PSMC4: variants seen among roughly 807,000 people sequenced by gnomAD.
PSMC4 encodes 26S proteasome regulatory subunit 6B.
Under a neutral mutation model 48.4 loss-of-function variants are expected in PSMC4, and 13 were observed. The ratio of observed to expected loss-of-function variants is 0.27; its 90% CI spans 0.18 to 0.43. The LOEUF (loss-of-function observed/expected upper bound fraction) is 0.43, where lower values mean the gene tolerates loss of function less well. Among genes scored for constraint, PSMC4 ranks in the 20% least tolerant of loss-of-function variants. The pLI, the probability that PSMC4 is intolerant of heterozygous loss-of-function variation, is 1.00. For synonymous variants in PSMC4, 202 were observed against 212.3 expected (o/e 0.95, Z 0.42); for missense variants, 262 against 555.9 (o/e 0.47, Z 5.32).
intron 6 of PSMC4, among the ~76,000 whole-genome samples, chr19:39,976,650 A>C (rs1249521921): frequency 6.7e-6 from 1 of 150,066 alleles, no homozygotes; most frequent in Non-Finnish European, 1.5e-5. Flanking sequence ...CTGAGACTAC[A>C]GGCACCCGCC....
In PSMC4 at chr19:39,972,357, C is replaced by T. The variant is rs1323608818; in HGVS notation, c.136-12C>T. On this transcript the variant is annotated splice_polypyrimidine_tract_variant and intron_variant, in intron 2 of 10. Coordinates refer to ENST00000157812, the MANE Select transcript of PSMC4 (RefSeq NM_006503.4). ...CTGGAGCCATCCCCTTCTGTCCCCTCTCTGCTCGCAGAAGCTGCAGCAAGA... is the reference window on the plus strand; with the variant it reads ...CTGGAGCCATCCCCTTCTGTCCCCTTTCTGCTCGCAGAAGCTGCAGCAAGA... The T allele has an allele frequency of 1.1e-5, 17 of 1,613,264 alleles. No homozygotes were observed. The South Asian group carries it at 1.5e-4, about 15-fold the overall frequency.
At chr19:39,979,706 T>G in intron 6 of PSMC4, 111 bp from the exon 7 acceptor site, 2 of 1,124,526 alleles carry the variant, frequency 1.8e-6, no homozygotes, top group South Asian at 2.4e-5. Context: ...AACTACTAGG[T>G]ATGGGTATCC....
rs761739535 is a variant in PSMC4 at position 39,980,159 on chromosome 19, G to A, written c.918+13G>A. The stretch of plus-strand genomic sequence containing the variant: ...TGTCAATGTCAAGGTTTGGGGTTTG[G>A]GATGGACAAGGGGAGGTGTGGTGTA... On this transcript the variant is annotated intron_variant, in intron 8 of 10. Transcript: ENST00000157812. This position sits in a 1 kb window ranked among gnomAD's most constrained non-coding sequence, Gnocchi z 4.8. 6.2e-7 allele frequency: 1 copy of A among 1,614,082 alleles called. No homozygotes were observed. Among genetic ancestry groups the A allele is most frequent in the Non-Finnish European group, 8.5e-7 (1 of 1,180,026 alleles).
Position 39,977,933 on chromosome 19 carries a change from C to T in PSMC4, c.674-1884C>T, listed in dbSNP as rs181786688. 3.5e-3 allele frequency among the ~76,000 whole-genome samples: 484 copies of T among 138,410 alleles called. 6 individuals are homozygous for T. Among genetic ancestry groups the T allele is most frequent in the Admixed American group, 0.019 (287 of 15,004 alleles). The allele number at this position is 138,410 out of a possible 152,430, so 90.8% of individuals were successfully genotyped here. ...CCTGGGCTCAAGCAATCCTCCCCAC[C>T]TGTCTCTCCTAAGTAGGTGGGACTA... On this transcript the variant is annotated intron_variant, in intron 6 of 10. Coordinates refer to ENST00000157812, the MANE Select transcript of PSMC4 (RefSeq NM_006503.4).
intron 6 of PSMC4, among the ~76,000 whole-genome samples, chr19:39,977,459 G>A (rs1971222318): frequency 6.6e-6 from 1 of 152,092 alleles, no homozygotes; most frequent in Admixed American, 6.6e-5. Flanking sequence ...AAGAGAGAAG[G>A]TGTAGAAGGG....
At position 39,981,338 on chromosome 19, in the gene PSMC4, G is replaced by T. The variant is rs1299197283; in HGVS notation, c.*33G>T. 1.3e-6 allele frequency: 2 copies of T among 1,528,384 alleles called. No individual in the cohort carries two copies. The highest frequency in any genetic ancestry group is 1.8e-6 in the Non-Finnish European group (2 of 1,102,300). The allele number at this position is 1,528,384 out of a possible 1,614,324, so 94.7% of individuals were successfully genotyped here. Reference sequence around the variant, plus strand: ...CTTCCCTCCACCACACCACTCAGGGGCTGGGGCTTCTCTCGCACCCCCAGC... The same window carrying T: ...CTTCCCTCCACCACACCACTCAGGGTCTGGGGCTTCTCTCGCACCCCCAGC... On this transcript the variant is annotated 3_prime_UTR_variant, in exon 11 of 11. Transcript: ENST00000157812.
In PSMC4 at chr19:39,971,278, C is replaced by T. The variant is rs200770719; in HGVS notation, c.36+40C>T. 147 of 1,613,198 alleles carry T rather than the reference C, an allele frequency of 9.1e-5. 1 individual carries two copies. The highest frequency in any genetic ancestry group is 1.8e-4 in the East Asian group (8 of 44,870). The stretch of plus-strand genomic sequence containing the variant: ...TGGGCTTTTTAGTCCGGGCCGGGCT[C>T]GCGGGGAGAGGGTGAAGCCAGACCT... On this transcript the variant is annotated intron_variant, in intron 1 of 10. Coordinates refer to ENST00000157812, the MANE Select transcript of PSMC4 (RefSeq NM_006503.4).
In PSMC4 at chr19:39,974,699, C is replaced by T; in HGVS notation, c.580-36C>T. 1 of 1,612,594 alleles carries T rather than the reference C, an allele frequency of 6.2e-7. No individual in the cohort carries two copies. Among genetic ancestry groups the T allele is most frequent in the South Asian group, 1.1e-5 (1 of 91,030 alleles). On this transcript the variant is annotated intron_variant, in intron 5 of 10. Coordinates refer to ENST00000157812, the MANE Select transcript of PSMC4 (RefSeq NM_006503.4). This position sits in a 1 kb window ranked among gnomAD's most constrained non-coding sequence, Gnocchi z 5.5. ...GGGTCTGGGGTTGGAGGTGGAACCC[C>T]TGACTCCCACTTCTCTTCCTTCCTC...
At chr19:39,971,918 G>A (rs1409821572) in intron 1 of PSMC4, among the ~76,000 whole-genome samples, 1 of 152,060 alleles carries the variant, frequency 6.6e-6, no homozygotes, top group Admixed American at 6.6e-5. Context: ...TGTTATGAGT[G>A]GTATATGATA....
rs1172697509 is a variant in PSMC4, at chr19:39,981,562, G to C, written c.*257G>C. 4 of 363,968 alleles carry C rather than the reference G, an allele frequency of 1.1e-5. No homozygotes were observed. Among genetic ancestry groups the C allele is most frequent in the Non-Finnish European group, 2.0e-5 (4 of 195,208 alleles). The allele number at this position is 363,968 out of a possible 1,614,324, so 22.5% of individuals were successfully genotyped here. A position where few individuals can be genotyped will look rare whatever the true frequency, so the allele number is the denominator to read the frequency against. On this transcript the variant is annotated 3_prime_UTR_variant, in exon 11 of 11. Coordinates refer to ENST00000157812, the MANE Select transcript of PSMC4 (RefSeq NM_006503.4). ...GTGCATGGCCTGGGTTGCAGCTTGA[G>C]AGAACCAAAATATTCAAACCAGATG...
chr19:39,974,445 A>AG lies in PSMC4; in HGVS notation c.469+10dup. The AG allele has an allele frequency of 2.5e-6, 4 of 1,613,800 alleles. No individual in the cohort carries two copies. Among genetic ancestry groups the AG allele is most frequent in the Non-Finnish European group, 3.4e-6 (4 of 1,179,806 alleles). ...GCATCATGATGCTCACCTCAGGTAAAGGGGGAGCCTGCAGCTGGGAGGGCC... is the reference window on the plus strand; with the variant it reads ...GCATCATGATGCTCACCTCAGGTAAAGGGGGGAGCCTGCAGCTGGGAGGGCC... On this transcript the variant is annotated splice_donor_region_variant and intron_variant, in intron 4 of 10. Coordinates refer to ENST00000157812, the MANE Select transcript of PSMC4 (RefSeq NM_006503.4). The surrounding 1 kb of genome is among the most constrained non-coding windows in gnomAD (Gnocchi z 5.5).
intron 6 of PSMC4, among the ~76,000 whole-genome samples, chr19:39,975,112 G>A (rs1334486990): frequency 6.6e-6 from 1 of 152,164 alleles, no homozygotes; most frequent in Non-Finnish European, 1.5e-5. Flanking sequence ...GTTGCAGCCA[G>A]TATTTTGAAA....
At position 39,980,029 on chromosome 19, in the gene PSMC4, C is replaced by A; in HGVS notation, c.842-41C>A. 6.2e-7 allele frequency: 1 copy of A among 1,613,800 alleles called. No homozygotes were observed. The highest frequency in any genetic ancestry group is 1.1e-5 in the South Asian group (1 of 91,016). Reference sequence around the variant, plus strand: ...GGCCCGGGGTCTTGGACAGGCTTGTCGCATGGGATGCCTGGGACTGACTGT... The same window carrying A: ...GGCCCGGGGTCTTGGACAGGCTTGTAGCATGGGATGCCTGGGACTGACTGT... On this transcript the variant is annotated intron_variant, in intron 7 of 10. Coordinates refer to ENST00000157812, the MANE Select transcript of PSMC4 (RefSeq NM_006503.4). This position sits in a 1 kb window ranked among gnomAD's most constrained non-coding sequence, Gnocchi z 4.8.
chr19:39,981,083 T>C, intron 10 of PSMC4, 109 bp from the exon 11 acceptor site: 1 of 821,110 alleles, frequency 1.2e-6, no homozygotes, highest in Non-Finnish European at 2.0e-6. Context: ...TCTCGAACTC[T>C]TGGGCTCAAG....
intron 6 of PSMC4, among the ~76,000 whole-genome samples, chr19:39,977,723 G>A (rs1275633275): frequency 6.6e-6 from 1 of 152,028 alleles, no homozygotes; most frequent in Non-Finnish European, 1.5e-5. Context: ...TCGGGAGGCT[G>A]AGGCAGGAGA....
At chr19:39,973,747 C>G (rs1226192911) in intron 3 of PSMC4, among the ~76,000 whole-genome samples, 1 of 152,090 alleles carries the variant, frequency 6.6e-6, no homozygotes. Context: ...CTCTGCTCCT[C>G]TGGACCAAGC....
intron 3 of PSMC4, 26 bp downstream of exon 3, chr19:39,972,581 C>T (rs1205862622): frequency 6.3e-7 from 1 of 1,586,770 alleles, no homozygotes; most frequent in Admixed American, 1.7e-5. Flanking sequence ...CTCATTCATT[C>T]ATCTGTCCAC....
rs982920042 is a variant in PSMC4, at chr19:39,981,472, T to G, written c.*167T>G. On this transcript the variant is annotated 3_prime_UTR_variant, in exon 11 of 11. Transcript: ENST00000157812. ...TTTCTTCTTAGAAGTTTAACTCCTTTGGAGAATGTGGGCCTTGAATAGGAT... is the reference window on the plus strand; with the variant it reads ...TTTCTTCTTAGAAGTTTAACTCCTTGGGAGAATGTGGGCCTTGAATAGGAT... 2.5e-5 allele frequency: 14 copies of G among 569,910 alleles called. No individual in the cohort carries two copies. In the African/African-American group the frequency reaches 2.6e-4, roughly 11 times the overall value. The allele number at this position is 569,910 out of a possible 1,614,324, so 35.3% of individuals were successfully genotyped here.
chr19:39,974,498 G>T lies in PSMC4; in HGVS notation c.470-26G>T, dbSNP rs1971162768. 1.2e-6 allele frequency: 2 copies of T among 1,613,248 alleles called. No homozygotes were observed. The highest frequency in any genetic ancestry group is 1.7e-6 in the Non-Finnish European group (2 of 1,179,474). On this transcript the variant is annotated intron_variant, in intron 4 of 10. Transcript: ENST00000157812. The surrounding 1 kb of genome is among the most constrained non-coding windows in gnomAD (Gnocchi z 5.5). The stretch of plus-strand genomic sequence containing the variant: ...ATGGGGACCTTGAGGACCTGGCCAG[G>T]AGCCCCAGCTCTGCTCTCCCACCAG...
Sources: gnomAD v4.1 joint callset for allele counts (sites outside exome capture counted in the v4.1 genomes callset) on GRCh38, gnomAD v4.1.1 for gene constraint, Gnocchi (gnomAD v3.1) non-coding constraint, MANE v1.5 for transcripts, NCBI Gene and HGNC (gene_info 2026-07-23, HGNC 2026-07-21) for gene names.